DIAPH2: variants seen among roughly 807,000 people sequenced by gnomAD.
DIAPH2 encodes the protein diaphanous related formin 2.
Under a neutral mutation model 92.7 loss-of-function variants are expected in DIAPH2, and 35 were observed. The ratio of observed to expected loss-of-function variants is 0.38; its 90% CI spans 0.29 to 0.50. The LOEUF (loss-of-function observed/expected upper bound fraction) is 0.50, where lower values mean the gene tolerates loss of function less well. DIAPH2 is among the 20% of genes least tolerant of loss of function. The probability of loss-of-function intolerance (pLI) is 0.94; values close to 1 mark genes in which losing one functional copy is unlikely to be tolerated. For synonymous variants in DIAPH2, 301 were observed against 280.4 expected (o/e 1.07, Z -0.73); for missense variants, 701 against 819.5 (o/e 0.86, Z 1.77).
chrX:97,239,405 T>C (rs1602440948), intron 22 of DIAPH2, among the ~76,000 whole-genome samples: 1 of 111,907 alleles, frequency 8.9e-6, no homozygotes, highest in Non-Finnish European at 1.9e-5. Flanking sequence ...AAATAAGATA[T>C]GTGAGGAAAG....
At chrX:96,813,760 T>C (rs1232581230) in intron 4 of DIAPH2, among the ~76,000 whole-genome samples, 1 of 111,754 alleles carries the variant, frequency 8.9e-6, no homozygotes, top group African/African-American at 3.3e-5. Context: ...CTGTAAAGGA[T>C]TTTATTTGTC....
At chrX:97,094,409 G>A (rs777769028) in intron 19 of DIAPH2, among the ~76,000 whole-genome samples, 115 of 112,013 alleles carry the variant, frequency 1.0e-3, no homozygotes, top group Middle Eastern at 4.6e-3. Context: ...TTATTTCTAA[G>A]ACACACTTGT....
At chrX:96,810,722 C>G (rs2064672160) in intron 4 of DIAPH2, among the ~76,000 whole-genome samples, 1 of 111,638 alleles carries the variant, frequency 9.0e-6, no homozygotes, top group Non-Finnish European at 1.9e-5. Context: ...AATCCAGTTT[C>G]AGCTTTCTAC....
At chrX:97,060,685 G>A (rs955541155) in intron 17 of DIAPH2, among the ~76,000 whole-genome samples, 1 of 111,528 alleles carries the variant, frequency 9.0e-6, no homozygotes, top group African/African-American at 3.3e-5. Flanking sequence ...ATTAATAAGA[G>A]GTGCACAGTG....
intron 3 of DIAPH2, among the ~76,000 whole-genome samples, chrX:96,748,553 A>G (rs758880552): frequency 8.9e-6 from 1 of 112,009 alleles, no homozygotes; most frequent in East Asian, 2.8e-4. Context: ...TCAAAGTCCC[A>G]TGCCTTCCAT....
chrX:97,478,236 A>C (rs763261509), intron 26 of DIAPH2, among the ~76,000 whole-genome samples: 8 of 112,197 alleles, frequency 7.1e-5, no homozygotes, highest in Non-Finnish European at 1.5e-4. Flanking sequence ...TCTTCTTGCT[A>C]GTAAAGCCAA....
At chrX:97,071,616 T>C (rs1311817027) in intron 17 of DIAPH2, among the ~76,000 whole-genome samples, 2 of 111,735 alleles carry the variant, frequency 1.8e-5, no homozygotes, top group African/African-American at 3.2e-5. Context: ...CTGGTATTTC[T>C]GTAGCATGCT....
rs745350546 is a variant in DIAPH2, at chrX:97,420,281, A to T, written c.3146-9369A>T. ...TAACAAGCTTCTCTTTAAGATATAC[A>T]TACATTAGGGAAAGTTAACTCACCA... On this transcript the variant is annotated intron_variant, in intron 25 of 26. Coordinates refer to ENST00000324765, the MANE Select transcript of DIAPH2 (RefSeq NM_006729.5). Among the ~76,000 whole-genome samples the T allele has an allele frequency of 4.5e-5, 5 of 111,786 alleles. No homozygotes were observed. The East Asian group carries it at 1.4e-3, about 31-fold the overall frequency.
intron 4 of DIAPH2, among the ~76,000 whole-genome samples, chrX:96,842,797 T>C (rs1374212049): frequency 9.0e-6 from 1 of 111,049 alleles, no homozygotes; most frequent in Non-Finnish European, 1.9e-5. Context: ...GAAATATACT[T>C]TAGTGGGGGT....
intron 23 of DIAPH2, among the ~76,000 whole-genome samples, chrX:97,295,872 C>T (rs1228594025): frequency 2.7e-5 from 3 of 109,328 alleles, no homozygotes; most frequent in African/African-American, 1.0e-4. Context: ...GCTGGGATTA[C>T]AGGCGTGCAC....
chrX:97,030,257 GA>G (rs2066364345), intron 17 of DIAPH2, among the ~76,000 whole-genome samples: 1 of 111,582 alleles, frequency 9.0e-6, no homozygotes, highest in African/African-American at 3.3e-5. Flanking sequence ...ATGGAGAAGA[GA>G]AATTTTTGAG....
intron 26 of DIAPH2, among the ~76,000 whole-genome samples, chrX:97,593,060 G>A (rs753268097): frequency 2.7e-4 from 30 of 111,780 alleles, no homozygotes; most frequent in Non-Finnish European, 4.7e-4. Context: ...GCTTCTAGAC[G>A]AGTACCCATT....
At chrX:97,212,072 G>A (rs1426867092) in intron 22 of DIAPH2, among the ~76,000 whole-genome samples, 1 of 111,769 alleles carries the variant, frequency 8.9e-6, no homozygotes, top group Non-Finnish European at 1.9e-5. Context: ...TATGTATTTT[G>A]CTAATATCTT....
intron 10 of DIAPH2, among the ~76,000 whole-genome samples, chrX:96,935,170 C>T (rs1017547008): frequency 1.8e-5 from 2 of 111,583 alleles, no homozygotes; most frequent in African/African-American, 6.5e-5. Context: ...TGATAGTTCA[C>T]GTTTTAAAAT....
At chrX:97,303,934 G>A (rs2068726163) in intron 23 of DIAPH2, among the ~76,000 whole-genome samples, 1 of 111,310 alleles carries the variant, frequency 9.0e-6, no homozygotes, top group African/African-American at 3.3e-5. Context: ...AATGGACACA[G>A]GACAAAATTG....
intron 19 of DIAPH2, 110 bp downstream of exon 19, chrX:97,075,371 G>T: frequency 2.5e-6 from 1 of 398,614 alleles, no homozygotes; most frequent in South Asian, 4.3e-5. Flanking sequence ...TTTTTAAAAA[G>T]ACATTGAATA....
intron 13 of DIAPH2, among the ~76,000 whole-genome samples, chrX:96,945,013 G>A (rs761661242): frequency 1.8e-5 from 2 of 111,346 alleles, no homozygotes; most frequent in Non-Finnish European, 3.8e-5. Flanking sequence ...TGAGAAGTTT[G>A]AAGTTAGTTT....
chrX:97,120,949 T>A (rs188974503), intron 21 of DIAPH2, among the ~76,000 whole-genome samples: 16 of 112,106 alleles, frequency 1.4e-4, no homozygotes, highest in African/African-American at 4.5e-4. Flanking sequence ...AAGTGACTGC[T>A]GTCTATGGTA....
chrX:96,863,907 C>CA (rs1193250747), intron 4 of DIAPH2, among the ~76,000 whole-genome samples: 3 of 110,486 alleles, frequency 2.7e-5, no homozygotes, highest in Non-Finnish European at 5.7e-5. Context: ...CTTAAAAATA[C>CA]AAAAAATTAG....
Sources: gnomAD v4.1 joint callset for allele counts (sites outside exome capture counted in the v4.1 genomes callset) on GRCh38, gnomAD v4.1.1 for gene constraint, MANE v1.5 for transcripts, NCBI Gene and HGNC (gene_info 2026-07-23, HGNC 2026-07-21) for gene names.